The following ADGRB3 variants were observed in gnomAD, a reference collection of about 807,000 sequenced individuals.
ADGRB3 encodes brain-specific angiogenesis inhibitor 3.
Under a neutral mutation model 193.4 loss-of-function variants are expected in ADGRB3, and 37 were observed. The ratio of observed to expected loss-of-function variants is 0.19; its 90% confidence interval spans 0.15 to 0.25. ADGRB3 has a LOEUF of 0.25. Among genes scored for constraint, ADGRB3 ranks in the 10% least tolerant of loss-of-function variants. ADGRB3 has a pLI of 1.00. For synonymous variants in ADGRB3, 690 were observed against 644.2 expected, an observed-to-expected ratio of 1.07 and a Z score of -1.08; for missense variants, 1,637 against 1,852.9, an observed-to-expected ratio of 0.88 and a Z score of 2.14.
At chr6:69,222,523 A>G (rs1419212537) in intron 17 of ADGRB3, among the ~76,000 whole-genome samples, 1 of 152,174 alleles carries the variant, frequency 6.6e-6, no homozygotes, top group African/African-American at 2.4e-5. Flanking sequence ...TAAAAGTAAA[A>G]TTCAACTTAA....
intron 3 of ADGRB3, among the ~76,000 whole-genome samples, chr6:68,835,915 G>C (rs1768037086): frequency 6.6e-6 from 1 of 152,110 alleles, no homozygotes; most frequent in African/African-American, 2.4e-5. Context: ...ATATAAGCTA[G>C]TGGGCTATTA....
At chr6:68,637,294 A>G (rs1767981557) in intron 1 of ADGRB3, 97 bp from the exon 2 acceptor site, 1 of 152,626 alleles carries the variant, frequency 6.6e-6, no homozygotes, top group Admixed American at 6.5e-5. Context: ...TGCAATGGGA[A>G]GGAAGAGGGT....
chr6:69,165,636 T>C (rs1247715079), intron 17 of ADGRB3, among the ~76,000 whole-genome samples: 1 of 152,082 alleles, frequency 6.6e-6, no homozygotes, highest in East Asian at 1.9e-4. Flanking sequence ...ATCCCTTATT[T>C]CTTTGGGTTA....
At chr6:69,203,944 G>T (rs747869700) in intron 17 of ADGRB3, among the ~76,000 whole-genome samples, 4 of 152,026 alleles carry the variant, frequency 2.6e-5, no homozygotes, top group Non-Finnish European at 4.4e-5. Flanking sequence ...TTTCATTTGA[G>T]AGTGTTCTTA....
rs1409042598 is a variant in ADGRB3 at position 69,048,173 on chromosome 6, C to CT, written c.2108-6dup. 3 of 1,604,306 alleles carry CT rather than the reference C, an allele frequency of 1.9e-6. No individual in the cohort carries two copies. The highest frequency in any genetic ancestry group is 1.7e-6 in the Non-Finnish European group (2 of 1,176,286). On this transcript the variant is annotated splice_polypyrimidine_tract_variant and intron_variant, in intron 13 of 31. Coordinates refer to ENST00000370598, the MANE Select transcript of ADGRB3 (RefSeq NM_001704.3). ...GCAAGTTTAATTGAAATTATTATTT[C>CT]TTTTTTAATAGTGGCTAGTATTCAG...
At chr6:68,722,786 T>G (rs1765607151) in intron 3 of ADGRB3, among the ~76,000 whole-genome samples, 1 of 151,684 alleles carries the variant, frequency 6.6e-6, no homozygotes, top group African/African-American at 2.4e-5. Context: ...AACTCTTTTT[T>G]TCCTAAAGGA....
chr6:69,042,398 T>G (rs1472172451), intron 13 of ADGRB3, among the ~76,000 whole-genome samples: 1 of 152,200 alleles, frequency 6.6e-6, no homozygotes, highest in African/African-American at 2.4e-5. Flanking sequence ...AAGAAATGAA[T>G]GAAGATTACC....
In ADGRB3 at chr6:68,818,126, A is replaced by C. The variant is rs9454626; in HGVS notation, c.758-112433A>C. On this transcript the variant is annotated intron_variant, in intron 3 of 31. Transcript: ENST00000370598. ...ATCTCAGTTTGCTATATTAGCTGAG[A>C]AGCTCAAAGAACACAGGCTGGTAGA... is the stretch of plus-strand genomic sequence containing the variant. Among the ~76,000 whole-genome samples, 1,485 of 152,196 alleles carry C rather than the reference A, an allele frequency of 9.8e-3. 36 individuals are homozygous for C. Among genetic ancestry groups the C allele is most frequent in the African/African-American group, 0.034 (1,421 of 41,544 alleles).
At chr6:68,871,968 T>G (rs1765472241) in intron 3 of ADGRB3, among the ~76,000 whole-genome samples, 1 of 152,174 alleles carries the variant, frequency 6.6e-6, no homozygotes, top group East Asian at 1.9e-4. Context: ...CTTTGATACT[T>G]AAACTTTTGC....
chr6:68,652,367 G>A (rs1768386567), intron 3 of ADGRB3, among the ~76,000 whole-genome samples: 1 of 152,086 alleles, frequency 6.6e-6, no homozygotes, highest in African/African-American at 2.4e-5. Context: ...TAACAGATCT[G>A]CTCATGACCG....
intron 17 of ADGRB3, among the ~76,000 whole-genome samples, chr6:69,081,858 T>C (rs1220273426): frequency 6.6e-6 from 1 of 152,090 alleles, no homozygotes; most frequent in Non-Finnish European, 1.5e-5. Flanking sequence ...TTATGTCCAT[T>C]AGCGTGAGCT....
intron 3 of ADGRB3, among the ~76,000 whole-genome samples, chr6:68,842,071 A>T (rs942909795): frequency 8.5e-5 from 13 of 152,156 alleles, no homozygotes; most frequent in Non-Finnish European, 1.8e-4. Context: ...TGGATACCCT[A>T]TTTACCATGA....
At chr6:69,263,323 G>C (rs904103181) in intron 20 of ADGRB3, among the ~76,000 whole-genome samples, 1 of 151,962 alleles carries the variant, frequency 6.6e-6, no homozygotes, top group Non-Finnish European at 1.5e-5. Context: ...TATATAATTG[G>C]TGATGATACA....
chr6:69,311,922 T>G (rs1021921778), intron 20 of ADGRB3, among the ~76,000 whole-genome samples: 3 of 151,844 alleles, frequency 2.0e-5, no homozygotes, highest in Non-Finnish European at 4.4e-5. Flanking sequence ...TTTGCAGCTT[T>G]AATTTTAAGA....
In ADGRB3 at chr6:69,026,684, A is replaced by G. The variant is rs535493780; in HGVS notation, c.2107+8185A>G. Among the ~76,000 whole-genome samples, 3 of 152,334 alleles carry G rather than the reference A, an allele frequency of 2.0e-5. No homozygotes were observed. The South Asian group carries it at 6.2e-4, about 32-fold the overall frequency. ...TCCACAAACCTAGATGGTATAGCCTATTACACGTCTAGGCTACAGGGTATA... is the reference window on the plus strand; with the variant it reads ...TCCACAAACCTAGATGGTATAGCCTGTTACACGTCTAGGCTACAGGGTATA... On this transcript the variant is annotated intron_variant, in intron 13 of 31. Transcript: ENST00000370598.
Position 69,307,961 on chromosome 6 carries a change from A to G in ADGRB3, c.2815-16911A>G, listed in dbSNP as rs538275540. 5.3e-5 allele frequency among the ~76,000 whole-genome samples: 8 copies of G among 151,686 alleles called. No individual in the cohort carries two copies. In the East Asian group the frequency reaches 7.8e-4, roughly 15 times the overall value. On this transcript the variant is annotated intron_variant, in intron 20 of 31. Transcript: ENST00000370598. ...ATTCTGGTGACAATGTTATACCTAG[A>G]CAACATGAAGCCTAGGAATCTAGAC...
chr6:68,714,329 C>G (rs1463622074), intron 3 of ADGRB3, among the ~76,000 whole-genome samples: 1 of 151,568 alleles, frequency 6.6e-6, no homozygotes, highest in Non-Finnish European at 1.5e-5. Context: ...ATCAAAGAGA[C>G]CATATCCAAA....
chr6:69,320,949 C>G (rs1411099316), intron 20 of ADGRB3, among the ~76,000 whole-genome samples: 1 of 151,318 alleles, frequency 6.6e-6, no homozygotes, highest in Admixed American at 6.6e-5. Context: ...CCCAAATTTC[C>G]TGATTTCTGC....
At chr6:69,268,463 C>T (rs1005344914) in intron 20 of ADGRB3, among the ~76,000 whole-genome samples, 2 of 152,150 alleles carry the variant, frequency 1.3e-5, no homozygotes, top group Admixed American at 6.6e-5. Context: ...TATTAGACTT[C>T]TCTCTAAGCA....
Sources: gnomAD v4.1 joint callset for allele counts (sites outside exome capture counted in the v4.1 genomes callset) on GRCh38, gnomAD v4.1.1 for gene constraint, MANE v1.5 for transcripts, NCBI Gene and HGNC (gene_info 2026-07-23, HGNC 2026-07-21) for gene names.